The following NBEAL1 variants were observed in gnomAD, a reference collection of about 807,000 sequenced individuals.
The protein encoded by NBEAL1 is neurobeachin like 1, also known as neurobeachin-like protein 1.
A neutral mutation model predicts 351.3 loss-of-function variants in NBEAL1; 273 were observed. The observed-to-expected ratio is 0.78, with a 90% confidence interval of 0.70 to 0.86. NBEAL1 has a LOEUF of 0.86. Ranked by LOEUF, NBEAL1 falls within the 40% of genes least tolerant of loss-of-function variation. The pLI, the probability that NBEAL1 is intolerant of heterozygous loss-of-function variation, is 0.00. For synonymous variants in NBEAL1, 1,050 were observed against 1,086.4 expected (o/e 0.97, Z 0.66); for missense variants, 2,961 against 3,201.3 (o/e 0.92, Z 1.81).
intron 36 of NBEAL1, among the ~76,000 whole-genome samples, chr2:203,163,984 G>C (rs936141250): frequency 6.6e-6 from 1 of 151,590 alleles, no homozygotes; most frequent in African/African-American, 2.4e-5. Flanking sequence ...TCAACTGTAG[G>C]ATATTTTCAT....
chr2:203,098,792 T>C (rs1230484135), intron 11 of NBEAL1, among the ~76,000 whole-genome samples: 1 of 152,162 alleles, frequency 6.6e-6, no homozygotes, highest in Admixed American at 6.5e-5. Context: ...AAATTTTCCA[T>C]TTAATATAAA....
chr2:203,084,386 A>T (rs1029131459), intron 9 of NBEAL1, 77 bp from the exon 10 acceptor site: 1 of 637,990 alleles, frequency 1.6e-6, no homozygotes, highest in Non-Finnish European at 2.4e-6. Flanking sequence ...AATTAAAAAG[A>T]AAAATGATTA....
intron 6 of NBEAL1, among the ~76,000 whole-genome samples, chr2:203,065,748 T>G (rs2061573695): frequency 6.6e-6 from 1 of 150,906 alleles, no homozygotes; most frequent in Non-Finnish European, 1.5e-5. Flanking sequence ...TGAGACTCTG[T>G]CTCAGAAAAA....
At chr2:203,165,549 C>T (rs944292865) in intron 36 of NBEAL1, among the ~76,000 whole-genome samples, 1 of 152,058 alleles carries the variant, frequency 6.6e-6, no homozygotes, top group Admixed American at 6.6e-5. Context: ...TTTCAGCTGT[C>T]CTCTGCTAAT....
Position 203,225,131 on chromosome 2 carries a change from T to G in NBEAL1, c.*7777T>G, listed in dbSNP as rs1238292719. Among the ~76,000 whole-genome samples the G allele has an allele frequency of 1.3e-5, 2 of 152,218 alleles. No individual in the cohort carries two copies. Among genetic ancestry groups the G allele is most frequent in the Admixed American group, 6.5e-5 (1 of 15,282 alleles). On this transcript the variant is annotated 3_prime_UTR_variant, in exon 56 of 56. Transcript: ENST00000683969. Reference sequence around the variant, plus strand: ...GAATGTCCATTTATTTTGTACATAATAAATTAGCTTTGTATATGAAAATGG... The same window carrying G: ...GAATGTCCATTTATTTTGTACATAAGAAATTAGCTTTGTATATGAAAATGG...
intron 24 of NBEAL1, among the ~76,000 whole-genome samples, chr2:203,128,619 G>C (rs1277896361): frequency 7.6e-5 from 9 of 118,208 alleles, no homozygotes; most frequent in East Asian, 2.8e-4. Context: ...TTTTTTTTGA[G>C]ACAGAGTCTT....
chr2:203,200,180 C>T (rs939301350), intron 49 of NBEAL1, among the ~76,000 whole-genome samples: 2 of 152,056 alleles, frequency 1.3e-5, no homozygotes, highest in Non-Finnish European at 2.9e-5. Context: ...AAGTTCAAGA[C>T]CAGCCTGGCC....
At chr2:203,061,398 G>A (rs2061497545) in intron 6 of NBEAL1, 1 of 152,136 alleles carries the variant, frequency 6.6e-6, no homozygotes, top group Non-Finnish European at 1.5e-5. Context: ...CATTCACATG[G>A]TTTTTTTCCA....
intron 3 of NBEAL1, among the ~76,000 whole-genome samples, chr2:203,045,223 C>T (rs1400882294): frequency 1.3e-5 from 2 of 151,996 alleles, no homozygotes; most frequent in African/African-American, 2.4e-5. Flanking sequence ...TGACCAAGAA[C>T]AAGGAAATAC....
intron 42 of NBEAL1, among the ~76,000 whole-genome samples, chr2:203,176,624 C>T (rs1458069989): frequency 6.6e-6 from 1 of 151,138 alleles, no homozygotes; most frequent in African/African-American, 2.4e-5. Context: ...CCTAGCTACT[C>T]AGGAGACTGA....
intron 39 of NBEAL1, 120 bp from the exon 40 acceptor site, chr2:203,171,808 T>A (rs1343925377): frequency 3.6e-5 from 17 of 478,174 alleles, no homozygotes; most frequent in Non-Finnish European, 1.1e-5. Flanking sequence ...TATTGATTTA[T>A]CTCCCTGTTG....
chr2:203,208,707 G>C lies in NBEAL1; in HGVS notation c.7577G>C (p.Ser2526Thr), dbSNP rs369316763. The stretch of plus-strand genomic sequence containing the variant: ...TATGGACACACCAACGAGGTACTGA[G>C]TGTCGGCATCAGCACTGAGCTAGAC... ...ILYGHTNEVLSVGISTELDMA... is the reference protein window; with the variant it reads ...ILYGHTNEVLTVGISTELDMA... The change falls in exon 52 of 56, where the codon AGT becomes ACT. Residue 2526 changes from serine to threonine, a missense_variant. Ser to Thr is a moderately conservative substitution (Grantham distance 58). Transcript: ENST00000683969. The C allele has an allele frequency of 7.4e-6, 12 of 1,612,654 alleles. No homozygotes were observed. The highest frequency in any genetic ancestry group is 9.3e-6 in the Non-Finnish European group (11 of 1,179,740).
intron 8 of NBEAL1, among the ~76,000 whole-genome samples, chr2:203,079,712 T>C (rs552737920): frequency 6.6e-6 from 1 of 152,278 alleles, no homozygotes; most frequent in East Asian, 1.9e-4. Context: ...TTTTAAAAAC[T>C]TAAGTAAATT....
chr2:203,136,688 G>T lies in NBEAL1; in HGVS notation c.4479G>T (p.Trp1493Cys). The change falls in exon 29 of 56, where the codon TGG becomes TGT. Residue 1493 changes from tryptophan (W) to cysteine (C), a missense_variant. Coordinates refer to ENST00000683969, the MANE Select transcript of NBEAL1 (RefSeq NM_001378026.1). ...KGLEKSDDDTWIERGQVFSAL... is the reference protein window; with the variant it reads ...KGLEKSDDDTCIERGQVFSAL... ...TAGAAAAGTCTGATGATGATACTTG[G>T]ATTGAACGAGGACAAGTGTTTTCAG... is the stretch of plus-strand genomic sequence containing the variant. 1 of 1,613,522 alleles carries T rather than the reference G, an allele frequency of 6.2e-7. No individual in the cohort carries two copies. The highest frequency in any genetic ancestry group is 1.1e-5 in the South Asian group (1 of 91,056).
chr2:203,014,906 CG>C lies in NBEAL1; in HGVS notation c.-302del, dbSNP rs1006618672. ...TCGTCTGCCTGGCTGCGGGGTGACA[CG>C]GGGCTTCGCCTTGGGAAGGGGTCGA... On this transcript the variant is annotated 5_prime_UTR_variant, in exon 1 of 56. Coordinates refer to ENST00000683969, the MANE Select transcript of NBEAL1 (RefSeq NM_001378026.1). The C allele has an allele frequency of 5.2e-5, 8 of 152,404 alleles. No homozygotes were observed. The highest frequency in any genetic ancestry group is 1.0e-4 in the Non-Finnish European group (7 of 68,228). 9.4% of individuals were successfully genotyped at this position (152,404 alleles called of 1,614,324 possible).
rs547203996 is a variant in NBEAL1 at position 203,223,384 on chromosome 2, A to G, written c.*6030A>G. On this transcript the variant is annotated 3_prime_UTR_variant, in exon 56 of 56. Coordinates refer to ENST00000683969, the MANE Select transcript of NBEAL1 (RefSeq NM_001378026.1). Reference sequence around the variant, plus strand: ...AATAACACAATTTTGTCATTTAAAAAATTACCCATTCATTTTTCAAACTTG... The same window carrying G: ...AATAACACAATTTTGTCATTTAAAAGATTACCCATTCATTTTTCAAACTTG... Among the ~76,000 whole-genome samples the G allele has an allele frequency of 2.0e-5, 3 of 152,134 alleles. No homozygotes were observed. Among genetic ancestry groups the G allele is most frequent in the Non-Finnish European group, 4.4e-5 (3 of 67,970 alleles).
At chr2:203,192,232 C>T (rs2065110625) in intron 46 of NBEAL1, among the ~76,000 whole-genome samples, 1 of 152,184 alleles carries the variant, frequency 6.6e-6, no homozygotes, top group Non-Finnish European at 1.5e-5. Flanking sequence ...GAATGCTTCA[C>T]AGGGCTTTGA....
At chr2:203,115,360 G>A (rs1485560332) in intron 17 of NBEAL1, among the ~76,000 whole-genome samples, 2 of 152,038 alleles carry the variant, frequency 1.3e-5, no homozygotes, top group African/African-American at 4.8e-5. Flanking sequence ...CTGACCTCAG[G>A]TGATCCTCCC....
At chr2:203,168,240 T>C (rs796308459) in intron 38 of NBEAL1, among the ~76,000 whole-genome samples, 50 of 152,390 alleles carry the variant, frequency 3.3e-4, no homozygotes, top group African/African-American at 1.1e-3. Flanking sequence ...TTATTGTCTT[T>C]AAAGTACATT....
Sources: gnomAD v4.1 joint callset for allele counts (sites outside exome capture counted in the v4.1 genomes callset) on GRCh38, gnomAD v4.1.1 for gene constraint, MANE v1.5 for transcripts, NCBI Gene and HGNC (gene_info 2026-07-23, HGNC 2026-07-21) for gene names.